The following UGT1A6 variants were observed in gnomAD, a reference collection of about 807,000 sequenced individuals.
UGT1A6 encodes UDP glucuronosyltransferase family 1 member A6, also known as UDP-glucuronosyltransferase 1A6.
A neutral mutation model predicts 44.4 loss-of-function variants in UGT1A6; 32 were observed. That is an observed-to-expected ratio of 0.72 (90% CI 0.54 to 0.97). The LOEUF (loss-of-function observed/expected upper bound fraction) is 0.97. UGT1A6 is among the 50% of genes least tolerant of loss of function. The pLI, the probability that UGT1A6 is intolerant of heterozygous loss-of-function variation, is 0.00. For synonymous variants in UGT1A6, 238 were observed against 248.5 expected (o/e 0.96, Z 0.40); for missense variants, 685 against 661.9 (o/e 1.03, Z -0.38).
intron 1 of UGT1A6, chr2:233,742,861 T>TAG (rs1692120681): frequency 6.2e-6 from 1 of 162,394 alleles, no homozygotes; most frequent in Admixed American, 5.8e-5. Context: ...TCAAATGATT[T>TAG]AGAGCAAACC....
At chr2:233,721,816 C>A (rs1463155812) in intron 1 of UGT1A6, 4 of 516,128 alleles carry the variant, frequency 7.8e-6, no homozygotes, top group Non-Finnish European at 1.6e-5. Context: ...AAATCCAGCA[C>A]CCTATTTGGG....
At chr2:233,772,063 T>A (rs1007747764) in intron 4 of UGT1A6, among the ~76,000 whole-genome samples, 199 bp from the exon 5 acceptor site, 9 of 152,136 alleles carry the variant, frequency 5.9e-5, no homozygotes, top group Non-Finnish European at 1.2e-4. Context: ...CAGTTAGCCA[T>A]GCTTGTGCCA....
chr2:233,743,667 C>A, intron 1 of UGT1A6: 1 of 1,367,226 alleles, frequency 7.3e-7, no homozygotes, highest in Non-Finnish European at 9.8e-7. Context: ...AAGGGGTCCT[C>A]GAAGGGCCTG....
intron 1 of UGT1A6, among the ~76,000 whole-genome samples, chr2:233,764,833 G>C (rs1171416505): frequency 3.9e-5 from 6 of 151,966 alleles, no homozygotes; most frequent in African/African-American, 1.2e-4. Flanking sequence ...TGGTGGTGGG[G>C]AGGATGACTC....
chr2:233,756,999 G>C (rs889615552), intron 1 of UGT1A6, among the ~76,000 whole-genome samples: 1 of 151,918 alleles, frequency 6.6e-6, no homozygotes, highest in African/African-American at 2.4e-5. Context: ...AGCTGGCCAA[G>C]GGTAGAGTTC....
chr2:233,729,628 C>T (rs1214575776), intron 1 of UGT1A6: 3 of 1,613,774 alleles, frequency 1.9e-6, no homozygotes, highest in East Asian at 4.5e-5. Context: ...CCTGTCGATT[C>T]CTACTGTGTT....
chr2:233,732,188 TA>T lies in UGT1A6; in HGVS notation c.862-34845del, dbSNP rs994200311. Among the ~76,000 whole-genome samples the T allele has an allele frequency of 9.1e-4, 138 of 152,390 alleles. 1 individual carries two copies. The highest frequency in any genetic ancestry group is 3.2e-3 in the African/African-American group (134 of 41,598). ...TGAGTTCTTTGTAGATTCTGGATATTAGCCCTTTGTCAGATGGGTAGATTGC... is the reference window on the plus strand; with the variant it reads ...TGAGTTCTTTGTAGATTCTGGATATTGCCCTTTGTCAGATGGGTAGATTGC... On this transcript the variant is annotated intron_variant, in intron 1 of 4. Transcript: ENST00000305139.
intron 1 of UGT1A6, among the ~76,000 whole-genome samples, chr2:233,761,736 C>T (rs111883427): frequency 6.5e-4 from 99 of 152,322 alleles, no homozygotes; most frequent in African/African-American, 2.3e-3. Flanking sequence ...TATTTTTCCC[C>T]TACAGAGTTT....
intron 1 of UGT1A6, among the ~76,000 whole-genome samples, chr2:233,709,931 C>G (rs1011660132): frequency 3.3e-5 from 5 of 151,878 alleles, no homozygotes; most frequent in African/African-American, 1.2e-4. Flanking sequence ...CTTAGGCAAC[C>G]CTGGATGGTT....
intron 1 of UGT1A6, among the ~76,000 whole-genome samples, chr2:233,704,963 C>T (rs2075815360): frequency 6.6e-6 from 1 of 152,064 alleles, no homozygotes; most frequent in South Asian, 2.1e-4. Flanking sequence ...TGGTGAAACC[C>T]CATCTCTACT....
At chr2:233,753,836 T>C (rs1228846526) in intron 1 of UGT1A6, among the ~76,000 whole-genome samples, 5 of 152,234 alleles carry the variant, frequency 3.3e-5, no homozygotes, top group African/African-American at 1.2e-4. Context: ...AAGACAGTCC[T>C]AGTATATCAT....
intron 1 of UGT1A6, among the ~76,000 whole-genome samples, chr2:233,695,976 G>A (rs1024119287): frequency 6.6e-6 from 1 of 152,118 alleles, no homozygotes; most frequent in African/African-American, 2.4e-5. Flanking sequence ...ATTCAGTTCT[G>A]AAGATGTCCA....
At chr2:233,732,540 C>T (rs929935072) in intron 1 of UGT1A6, among the ~76,000 whole-genome samples, 1 of 152,202 alleles carries the variant, frequency 6.6e-6, no homozygotes, top group Non-Finnish European at 1.5e-5. Context: ...CCAGTTTTCC[C>T]AGCACCATTT....
Position 233,772,576 on chromosome 2 carries a change from A to G in UGT1A6, c.*17A>G. The stretch of plus-strand genomic sequence containing the variant: ...ACCCATTGAGAAGTGGGTGGGAAAT[A>G]AGGTAAAATTTTGAACCATTCCCTA... On this transcript the variant is annotated 3_prime_UTR_variant, in exon 5 of 5. Transcript: ENST00000305139. 6.2e-7 allele frequency: 1 copy of G among 1,610,732 alleles called. No homozygotes were observed. Among genetic ancestry groups the G allele is most frequent in the Non-Finnish European group, 8.5e-7 (1 of 1,178,228 alleles).
chr2:233,746,059 C>T (rs188125843), intron 1 of UGT1A6, among the ~76,000 whole-genome samples: 12 of 151,720 alleles, frequency 7.9e-5, no homozygotes, highest in Admixed American at 2.0e-4. Flanking sequence ...GGGTCTAGAA[C>T]GAAAAGAGAA....
chr2:233,743,547 C>A (rs201114978), intron 1 of UGT1A6: 1 of 1,367,292 alleles, frequency 7.3e-7, no homozygotes, highest in South Asian at 1.1e-5. Flanking sequence ...TCTGACCCCC[C>A]CAAAATATTC....
chr2:233,732,433 A>G (rs1308918063), intron 1 of UGT1A6, among the ~76,000 whole-genome samples: 1 of 152,164 alleles, frequency 6.6e-6, no homozygotes, highest in African/African-American at 2.4e-5. Flanking sequence ...TAGGATTTTT[A>G]TGGTTTTAGG....
intron 1 of UGT1A6, among the ~76,000 whole-genome samples, chr2:233,701,500 G>C (rs2075632905): frequency 6.6e-6 from 1 of 152,066 alleles, no homozygotes; most frequent in Admixed American, 6.5e-5. Flanking sequence ...GGACCTAATA[G>C]ACATCTACAG....
chr2:233,718,771 A>T, intron 1 of UGT1A6: 4 of 1,612,862 alleles, frequency 2.5e-6, no homozygotes, highest in Non-Finnish European at 3.4e-6. Flanking sequence ...AAACAAATGT[A>T]GCAGGCACAG....
Sources: gnomAD v4.1 joint callset for allele counts (sites outside exome capture counted in the v4.1 genomes callset) on GRCh38, gnomAD v4.1.1 for gene constraint, MANE v1.5 for transcripts, NCBI Gene and HGNC (gene_info 2026-07-23, HGNC 2026-07-21) for gene names.